MRPL38: variants seen among roughly 807,000 people sequenced by gnomAD.
The protein encoded by MRPL38 is large ribosomal subunit protein mL38.
MRPL38 carries 51 observed loss-of-function variants against 52.1 expected under a neutral mutation model. The observed-to-expected ratio is 0.98, with a 90% confidence interval of 0.78 to 1.24. The LOEUF (loss-of-function observed/expected upper bound fraction) is 1.24, where lower values mean the gene tolerates loss of function less well. Among genes scored for constraint, MRPL38 ranks in the 50% most tolerant of loss-of-function variants. The pLI, the probability that MRPL38 is intolerant of heterozygous loss-of-function variation, is 0.00. For missense variants in MRPL38, 527 were observed against 518.6 expected (o/e 1.02, Z -0.16); for synonymous variants, 245 against 212.7 (o/e 1.15, Z -1.32).
intron 1 of MRPL38, 39 bp downstream of exon 1, chr17:75,904,770 G>GGGGGGGGGGCCCC: frequency 8.0e-6 from 4 of 500,006 alleles, no homozygotes; most frequent in East Asian, 5.2e-5. Flanking sequence ...TCGGGCGACA[G>GGGGGGGGGGCCCC]CCCCCCCCCC....
chr17:75,899,779 CA>C (rs1306316195), intron 6 of MRPL38, 105 bp from the exon 7 acceptor site: 2 of 975,906 alleles, frequency 2.0e-6, no homozygotes, highest in African/African-American at 3.4e-5. Flanking sequence ...CCTGGGAGGA[CA>C]GCTCTAAGCA....
intron 2 of MRPL38, chr17:75,904,287 G>A: frequency 1.5e-6 from 1 of 665,290 alleles, no homozygotes; most frequent in Non-Finnish European, 2.8e-6. Context: ...CAAGATTTTA[G>A]GAGCAAATAT....
chr17:75,901,562 T>C lies in MRPL38; in HGVS notation c.591+150A>G. ...CCTCTTTTTCCTTCATTTTGTTCTA[T>C]TTTCTTTGAAATTGTCATGGTGTCG... On this transcript the variant is annotated intron_variant, in intron 4 of 8. Transcript: ENST00000309352. The surrounding 1 kb of genome is among the most constrained non-coding windows in gnomAD (Gnocchi z 5.7). 1 of 725,282 alleles carries C rather than the reference T, an allele frequency of 1.4e-6. No homozygotes were observed. Among genetic ancestry groups the C allele is most frequent in the South Asian group, 1.7e-5 (1 of 58,036 alleles). The allele number at this position is 725,282 out of a possible 1,614,324, so 44.9% of individuals were successfully genotyped here.
intron 6 of MRPL38, chr17:75,900,465 C>T (rs1056935731): frequency 6.5e-6 from 1 of 154,130 alleles, no homozygotes; most frequent in Non-Finnish European, 1.4e-5. Context: ...GTGGCTCACG[C>T]TTATAATCCT....
At position 75,901,023 on chromosome 17, in the gene MRPL38, C is replaced by T. The variant is rs954333323; in HGVS notation, c.669G>A (p.Gly223=). 2 of 1,611,964 alleles carry T rather than the reference C, an allele frequency of 1.2e-6. No homozygotes were observed. The highest frequency in any genetic ancestry group is 8.5e-7 in the Non-Finnish European group (1 of 1,179,290). The change falls in exon 6 of 9, where the codon GGG becomes GGA. Residue 223 remains glycine, a synonymous_variant. Transcript: ENST00000309352. The surrounding 1 kb of genome is among the most constrained non-coding windows in gnomAD (Gnocchi z 5.7). ...LWTLLLTSLD[G]HLLEPDAEYL... is the part of the protein sequence containing the mutation. ...ACTCAGCATCTGGCTCCAGCAGGTG[C>T]CCATCTGCACAAAAACACACCTGCT...
At chr17:75,902,205 T>G in intron 2 of MRPL38, 51 bp from the exon 3 acceptor site, 1 of 1,535,516 alleles carries the variant, frequency 6.5e-7, no homozygotes, top group African/African-American at 1.4e-5. Flanking sequence ...CACTGCAGCC[T>G]TAACCTCCCC....
rs572018825 is a variant in MRPL38 at position 75,899,620 on chromosome 17, G to C, written c.765C>G (p.Leu255=). 2.7e-5 allele frequency: 43 copies of C among 1,607,398 alleles called. No individual in the cohort carries two copies. The South Asian group carries it at 4.3e-4, about 16-fold the overall frequency. ...VAEGQVTCPY[L]PPFPARGSGI... is the part of the protein sequence containing the mutation. ...CGGAGCCTCGGGCAGGGAAGGGGGG[G>C]AGGTAGGGACACGTCACCTGTCCTT... The change falls in exon 7 of 9, where the codon CTC becomes CTG. Residue 255 remains leucine, a synonymous_variant. Transcript: ENST00000309352.
rs985776107 is a variant in MRPL38, at chr17:75,901,498, C to T, written c.591+214G>A. 6 of 663,728 alleles carry T rather than the reference C, an allele frequency of 9.0e-6. No homozygotes were observed. The highest frequency in any genetic ancestry group is 9.0e-5 in the African/African-American group (5 of 55,326). 41.1% of individuals were successfully genotyped at this position (663,728 alleles called of 1,614,324 possible). A position where few individuals can be genotyped will look rare whatever the true frequency, so the allele number is the denominator to read the frequency against. Reference sequence around the variant, plus strand: ...AAGGCCGGGCCAGGAGGGCACACCACAGACAGCAGGCTGGTCACAGGAATG... The same window carrying T: ...AAGGCCGGGCCAGGAGGGCACACCATAGACAGCAGGCTGGTCACAGGAATG... On this transcript the variant is annotated intron_variant, in intron 4 of 8. Transcript: ENST00000309352. The surrounding 1 kb of genome is among the most constrained non-coding windows in gnomAD (Gnocchi z 5.7).
intron 2 of MRPL38, among the ~76,000 whole-genome samples, chr17:75,903,242 C>G (rs1296639134): frequency 6.6e-6 from 1 of 152,180 alleles, no homozygotes; most frequent in Non-Finnish European, 1.5e-5. Context: ...AACCCCATCT[C>G]TACTAAAAAT....
chr17:75,904,880 C>A lies in MRPL38; in HGVS notation c.-5G>T, dbSNP rs2065422560. ...TCGCCACCAGGGCGCCGCCATCTTCCCTCCGGCCTGCGACACTGCGGCCGC... is the reference window on the plus strand; with the variant it reads ...TCGCCACCAGGGCGCCGCCATCTTCACTCCGGCCTGCGACACTGCGGCCGC... On this transcript the variant is annotated 5_prime_UTR_variant, in exon 1 of 9. Coordinates refer to ENST00000309352, the MANE Select transcript of MRPL38 (RefSeq NM_032478.4). 6.6e-7 allele frequency: 1 copy of A among 1,525,678 alleles called. No individual in the cohort carries two copies. Among genetic ancestry groups the A allele is most frequent in the African/African-American group, 1.4e-5 (1 of 70,714 alleles). 94.5% of individuals were successfully genotyped at this position (1,525,678 alleles called of 1,614,324 possible).
rs776372050 is a variant in MRPL38, at chr17:75,899,685, G to A, written c.711-11C>T. 1 of 1,549,646 alleles carries A rather than the reference G, an allele frequency of 6.5e-7. No individual in the cohort carries two copies. The highest frequency in any genetic ancestry group is 1.9e-5 in the Admixed American group (1 of 53,560). On this transcript the variant is annotated splice_polypyrimidine_tract_variant and intron_variant, in intron 6 of 8. Coordinates refer to ENST00000309352, the MANE Select transcript of MRPL38 (RefSeq NM_032478.4). ...CCCGGGATGTTGGTTCTGGGAGGAGGAAAGTCCCGGTTAATTACCACTCCA... is the reference window on the plus strand; with the variant it reads ...CCCGGGATGTTGGTTCTGGGAGGAGAAAAGTCCCGGTTAATTACCACTCCA...
At chr17:75,903,786 C>T (rs1401563550) in intron 2 of MRPL38, among the ~76,000 whole-genome samples, 2 of 151,136 alleles carry the variant, frequency 1.3e-5, no homozygotes, top group Admixed American at 6.6e-5. Context: ...TGTGCAATGG[C>T]GCGATCTCGG....
Position 75,898,730 on chromosome 17 carries a change from G to A in MRPL38, c.*120C>T. On this transcript the variant is annotated 3_prime_UTR_variant, in exon 9 of 9. Transcript: ENST00000309352. ...CCAAGCCCTGGGCCTGACGGGAGGG[G>A]GCCAAAGAGGGGGGCTGCCTAAGGC... 1 of 1,247,328 alleles carries A rather than the reference G, an allele frequency of 8.0e-7. No homozygotes were observed. The highest frequency in any genetic ancestry group is 1.1e-6 in the Non-Finnish European group (1 of 891,926). 77.3% of individuals were successfully genotyped at this position (1,247,328 alleles called of 1,614,324 possible).
rs1238147526 is a variant in MRPL38 at position 75,899,669 on chromosome 17, T to C, written c.716A>G (p.Asn239Ser). The stretch of plus-strand genomic sequence containing the variant: ...TTCAGCCACCCGGTTACCCGGGATG[T>C]TGGTTCTGGGAGGAGGAAAGTCCCG... ...DAEYLHWLLT[N>S]IPGNRVAEGQ... Residue 239 changes from asparagine (N) to serine (S), a missense_variant, in exon 7 of 9, where the codon AAC (asparagine) becomes AGC (serine). By Grantham distance (46) the Asn-to-Ser change is conservative. Coordinates refer to ENST00000309352, the MANE Select transcript of MRPL38 (RefSeq NM_032478.4). 6.4e-7 allele frequency: 1 copy of C among 1,571,436 alleles called. No individual in the cohort carries two copies. The highest frequency in any genetic ancestry group is 2.3e-5 in the East Asian group (1 of 44,252).
intron 2 of MRPL38, among the ~76,000 whole-genome samples, chr17:75,903,392 C>G (rs1416433913): frequency 6.6e-6 from 1 of 152,138 alleles, no homozygotes. Context: ...GGCAACAGAG[C>G]GAGCCTCTGC....
At chr17:75,899,962 A>T in intron 6 of MRPL38, 1 of 248,418 alleles carries the variant, frequency 4.0e-6, no homozygotes, top group Non-Finnish European at 7.6e-6. Context: ...TGGGTCCGCC[A>T]CAGTCACTGA....
intron 6 of MRPL38, 190 bp downstream of exon 6, chr17:75,900,790 CTT>C: frequency 7.2e-7 from 1 of 1,397,716 alleles, no homozygotes; most frequent in South Asian, 1.7e-5. Context: ...CTACTGCAAA[CTT>C]TGTCTCCTGT....
At position 75,901,019 on chromosome 17, in the gene MRPL38, G is replaced by C; in HGVS notation, c.673C>G (p.Leu225Val). The C allele has an allele frequency of 6.2e-7, 1 of 1,612,458 alleles. No homozygotes were observed. The highest frequency in any genetic ancestry group is 8.5e-7 in the Non-Finnish European group (1 of 1,179,408). Residue 225 changes from leucine to valine, a missense_variant, in exon 6 of 9, where the codon CTG becomes GTG. Transcript: ENST00000309352. The surrounding 1 kb of genome is among the most constrained non-coding windows in gnomAD (Gnocchi z 5.7). ...TLLLTSLDGHLLEPDAEYLHW... is the reference protein window; with the variant it reads ...TLLLTSLDGHVLEPDAEYLHW... ...AGGTACTCAGCATCTGGCTCCAGCA[G>C]GTGCCCATCTGCACAAAAACACACC... is the stretch of plus-strand genomic sequence containing the variant.
Position 75,901,768 on chromosome 17 carries a change from C to A in MRPL38, c.535G>T (p.Val179Leu). ...PRVPLHVAYA[V>L]GEDDLMPVYC... The stretch of plus-strand genomic sequence containing the variant: ...ACAGGCATCAGGTCATCCTCACCCA[C>A]AGCGTAGGCCACGTGCAGGGGGACT... Residue 179 changes from valine to leucine, a missense_variant, in exon 4 of 9, where the codon GTG becomes TTG. Physicochemically the swap from Val to Leu is conservative, Grantham distance 32. Coordinates refer to ENST00000309352, the MANE Select transcript of MRPL38 (RefSeq NM_032478.4). The surrounding 1 kb of genome is among the most constrained non-coding windows in gnomAD (Gnocchi z 5.7). The A allele has an allele frequency of 6.2e-7, 1 of 1,613,796 alleles. No individual in the cohort carries two copies. The highest frequency in any genetic ancestry group is 8.5e-7 in the Non-Finnish European group (1 of 1,179,886).
Sources: allele counts gnomAD v4.1 joint callset (sites outside exome capture counted in the v4.1 genomes callset), GRCh38; gene constraint gnomAD v4.1.1; non-coding constraint Gnocchi (gnomAD v3.1); transcripts MANE v1.5; gene names NCBI Gene and HGNC (gene_info 2026-07-23, HGNC 2026-07-21).